The following SBF2 variants were observed in gnomAD, a reference collection of about 807,000 sequenced individuals.
SBF2 encodes the protein SET binding factor 2, also known as myotubularin-related protein 13.
In SBF2, 112 loss-of-function variants were observed where a neutral mutation model predicts 225.2. That is an observed-to-expected ratio of 0.50 (90% CI 0.43 to 0.58). The LOEUF is 0.58. Among genes scored for constraint, SBF2 ranks in the 20% least tolerant of loss-of-function variants. The pLI, the probability that SBF2 is intolerant of heterozygous loss-of-function variation, is 0.00. For missense variants in SBF2, 1,996 were observed against 2,206.2 expected (o/e 0.90, Z 1.91); for synonymous variants, 763 against 773.3 (o/e 0.99, Z 0.22).
rs866384213 is a variant in SBF2, at chr11:9,932,286, C to A, written c.1860+29671G>T. On this transcript the variant is annotated intron_variant, in intron 16 of 39. Coordinates refer to ENST00000256190, the MANE Select transcript of SBF2 (RefSeq NM_030962.4). ...AATTCAGGAAATACAGAGAACACCA[C>A]AAAGATACTCCTCGAGAAGAGCAAC... Among the ~76,000 whole-genome samples the A allele has an allele frequency of 3.8e-4, 58 of 152,228 alleles. No homozygotes were observed. In the Middle Eastern group the frequency reaches 0.02, roughly 54 times the overall value.
At chr11:9,960,000 T>A (rs1866458044) in intron 16 of SBF2, 1 of 295,312 alleles carries the variant, frequency 3.4e-6, no homozygotes, top group Non-Finnish European at 6.6e-6. Flanking sequence ...TTTTCTTTTT[T>A]AAAGAGATGG....
chr11:9,901,856 G>A (rs12806846), intron 16 of SBF2, among the ~76,000 whole-genome samples: 1 of 152,050 alleles, frequency 6.6e-6, no homozygotes. Flanking sequence ...TACTGGCCAG[G>A]ATGGAATCAA....
intron 2 of SBF2, among the ~76,000 whole-genome samples, chr11:10,077,223 C>G (rs1000171505): frequency 6.6e-6 from 1 of 152,106 alleles, no homozygotes; most frequent in Non-Finnish European, 1.5e-5. Context: ...AATGGCCATA[C>G]GGCTCAAAGT....
intron 1 of SBF2, among the ~76,000 whole-genome samples, chr11:10,205,774 A>G (rs989855686): frequency 1.3e-5 from 2 of 152,052 alleles, no homozygotes; most frequent in Non-Finnish European, 2.9e-5. Flanking sequence ...GAGAGACCCC[A>G]TCACAATAAG....
chr11:9,813,553 T>C (rs1854305785), intron 29 of SBF2, among the ~76,000 whole-genome samples: 2 of 152,204 alleles, frequency 1.3e-5, no homozygotes, highest in Admixed American at 1.3e-4. Context: ...GTCTCAATCT[T>C]TTGACCTTGT....
chr11:10,262,901 T>C (rs1018539296), intron 1 of SBF2, among the ~76,000 whole-genome samples: 13 of 152,154 alleles, frequency 8.5e-5, no homozygotes, highest in Non-Finnish European at 1.5e-4. Context: ...ATTCTTTACC[T>C]GAGGATAAAA....
At chr11:9,957,477 TG>T (rs929159429) in intron 16 of SBF2, 1 of 152,160 alleles carries the variant, frequency 6.6e-6, no homozygotes, top group African/African-American at 2.4e-5. Flanking sequence ...TTTTTTTTTT[TG>T]AGACAGATTC....
intron 16 of SBF2, among the ~76,000 whole-genome samples, chr11:9,917,726 T>G (rs1315609109): frequency 6.6e-6 from 1 of 151,436 alleles, no homozygotes; most frequent in Non-Finnish European, 1.5e-5. Context: ...CGTGCCTTCC[T>G]GAGGTTAGCG....
chr11:9,867,877 G>A (rs1858365669), intron 17 of SBF2, among the ~76,000 whole-genome samples: 1 of 152,118 alleles, frequency 6.6e-6, no homozygotes, highest in Admixed American at 6.5e-5. Context: ...ACTGGGAAGG[G>A]GGAATAAACA....
chr11:9,876,881 G>T (rs1859296017), intron 17 of SBF2, among the ~76,000 whole-genome samples: 1 of 152,050 alleles, frequency 6.6e-6, no homozygotes, highest in Admixed American at 6.6e-5. Context: ...TGGGATTACA[G>T]GCGCCCACCA....
intron 16 of SBF2, among the ~76,000 whole-genome samples, chr11:9,956,064 T>C (rs1171374703): frequency 1.3e-5 from 2 of 152,160 alleles, no homozygotes; most frequent in Non-Finnish European, 2.9e-5. Context: ...CAGAATTATC[T>C]TCTTTAAGAT....
At chr11:10,245,610 GAAC>G (rs1189017587) in intron 1 of SBF2, among the ~76,000 whole-genome samples, 1 of 152,058 alleles carries the variant, frequency 6.6e-6, no homozygotes, top group Non-Finnish European at 1.5e-5. Flanking sequence ...ATTAAAAATA[GAAC>G]AACCATATGA....
chr11:10,194,635 C>T (rs1310979751), intron 1 of SBF2, among the ~76,000 whole-genome samples: 1 of 152,072 alleles, frequency 6.6e-6, no homozygotes, highest in African/African-American at 2.4e-5. Context: ...CTCAGCCTCC[C>T]GAGTAGCTGG....
Position 9,992,462 on chromosome 11 carries a change from CA to C in SBF2, c.1248del (p.Phe416LeufsTer19). 1.2e-6 allele frequency: 2 copies of C among 1,613,276 alleles called. No individual in the cohort carries two copies. The highest frequency in any genetic ancestry group is 1.7e-6 in the Non-Finnish European group (2 of 1,179,488). On this transcript the variant is annotated frameshift_variant, in exon 12 of 40. Coordinates refer to ENST00000256190, the MANE Select transcript of SBF2 (RefSeq NM_030962.4). LOFTEE classifies it high-confidence loss of function. Reference protein sequence around the residue: ...KVLSGMAFAGFVSERGPPYRS... With the variant: ...KVLSGMAFAGXVSERGPPYRS... ...CTATAAGGAGGACCTCTTTCTGAAA[CA>C]AAACCTGCAAATGCCATTCCACTGA... is the stretch of plus-strand genomic sequence containing the variant.
At chr11:10,201,258 C>T (rs1223050369) in intron 1 of SBF2, among the ~76,000 whole-genome samples, 1 of 152,110 alleles carries the variant, frequency 6.6e-6, no homozygotes, top group Admixed American at 6.5e-5. Context: ...TTCCAAGTAT[C>T]CCATTTGTGA....
intron 1 of SBF2, among the ~76,000 whole-genome samples, chr11:10,267,932 A>T (rs1962149742): frequency 6.6e-6 from 1 of 152,360 alleles, no homozygotes; most frequent in Non-Finnish European, 1.5e-5. Flanking sequence ...TGTTAAAAAA[A>T]TGACTTTTAT....
intron 17 of SBF2, among the ~76,000 whole-genome samples, chr11:9,879,808 G>A (rs1245386424): frequency 6.6e-6 from 1 of 151,872 alleles, no homozygotes; most frequent in African/African-American, 2.4e-5. Flanking sequence ...ATGAGGCCAG[G>A]CTTGGTGGTT....
intron 6 of SBF2, among the ~76,000 whole-genome samples, chr11:10,017,415 T>G (rs1590764614): frequency 1.3e-5 from 2 of 152,212 alleles, no homozygotes; most frequent in East Asian, 3.8e-4. Flanking sequence ...CACAGCTTAA[T>G]GTAAGTCATG....
chr11:10,019,054 G>A (rs61877042), intron 6 of SBF2, among the ~76,000 whole-genome samples: 13,787 of 152,018 alleles, frequency 0.091, 730 homozygotes, highest in Non-Finnish European at 0.1. Flanking sequence ...GTTTTAAAAC[G>A]ATACCTGTTT....
Sources: gnomAD v4.1 joint callset for allele counts (sites outside exome capture counted in the v4.1 genomes callset) on GRCh38, gnomAD v4.1.1 for gene constraint, MANE v1.5 for transcripts, NCBI Gene and HGNC (gene_info 2026-07-23, HGNC 2026-07-21) for gene names.